The following TENM2 variants were observed in gnomAD, a reference collection of about 807,000 sequenced individuals.
The protein encoded by TENM2 is teneurin transmembrane protein 2.
A neutral mutation model predicts 245.2 loss-of-function variants in TENM2; 52 were observed. That is an observed-to-expected ratio of 0.21 (90% CI 0.17 to 0.27). The LOEUF (loss-of-function observed/expected upper bound fraction) is 0.27. Among genes scored for constraint, TENM2 ranks in the 10% least tolerant of loss-of-function variants. TENM2 has a pLI of 1.00. For missense variants in TENM2, 3,046 were observed against 3,666.8 expected (o/e 0.83, Z 4.37); for synonymous variants, 1,363 against 1,438.9 (o/e 0.95, Z 1.19).
chr5:167,230,364 C>T, the TENM2 span, among the ~76,000 whole-genome samples: 2 of 152,136 alleles, frequency 1.3e-5, no homozygotes, highest in African/African-American at 2.4e-5. Flanking sequence ...AACAGGCTGC[C>T]TCGCTTCCCT....
intron 2 of TENM2, among the ~76,000 whole-genome samples, chr5:167,864,322 A>G (rs1772112820): frequency 6.6e-6 from 1 of 152,230 alleles, no homozygotes; most frequent in Non-Finnish European, 1.5e-5. Context: ...TTTGCAATGC[A>G]CTTTCATCTA....
the TENM2 span, among the ~76,000 whole-genome samples, chr5:167,180,054 GTCCTCCCACCTTCCGT>G: frequency 6.7e-6 from 1 of 149,608 alleles, no homozygotes; most frequent in Admixed American, 6.6e-5. Flanking sequence ...CTTTGGCTGT[GTCCTCCCACCTTCCGT>G]TCCTCTCCAG....
At chr5:168,159,507 A>T (rs1294250983) in intron 12 of TENM2, among the ~76,000 whole-genome samples, 6 of 152,114 alleles carry the variant, frequency 3.9e-5, no homozygotes, top group Non-Finnish European at 8.8e-5. Context: ...CAGACTAATT[A>T]CTTCCTAGGT....
intron 2 of TENM2, among the ~76,000 whole-genome samples, chr5:167,700,137 C>T (rs1332755862): frequency 6.6e-6 from 1 of 152,128 alleles, no homozygotes; most frequent in East Asian, 1.9e-4. Flanking sequence ...AAAGATAGAA[C>T]AGGCTTAAAG....
At chr5:167,138,645 G>A in the TENM2 span, among the ~76,000 whole-genome samples, 184 of 152,068 alleles carry the variant, frequency 1.2e-3, 1 homozygote, top group African/African-American at 4.1e-3. Context: ...TTTTTGAGAC[G>A]GAGTTTTGCT....
At chr5:168,137,745 C>A (rs1341938988) in intron 12 of TENM2, among the ~76,000 whole-genome samples, 1 of 152,186 alleles carries the variant, frequency 6.6e-6, no homozygotes, top group Non-Finnish European at 1.5e-5. Context: ...TCCTATTAAT[C>A]CCAGCAAAGC....
At chr5:168,040,960 G>A (rs933072696) in intron 5 of TENM2, among the ~76,000 whole-genome samples, 22 of 152,206 alleles carry the variant, frequency 1.4e-4, no homozygotes, top group African/African-American at 4.6e-4. Flanking sequence ...GGACATATTC[G>A]TAGAGACTAA....
the TENM2 span, among the ~76,000 whole-genome samples, chr5:167,194,943 T>A: frequency 6.6e-6 from 1 of 152,032 alleles, no homozygotes; most frequent in Non-Finnish European, 1.5e-5. Flanking sequence ...GTGCCGAACA[T>A]CACACTCTTA....
chr5:167,756,035 T>C (rs553801705), intron 2 of TENM2, among the ~76,000 whole-genome samples: 1 of 152,186 alleles, frequency 6.6e-6, no homozygotes, highest in Non-Finnish European at 1.5e-5. Context: ...ATTCCAGTTG[T>C]TATTAGCTCC....
intron 9 of TENM2, among the ~76,000 whole-genome samples, chr5:168,111,654 A>G (rs1427344797): frequency 6.6e-6 from 1 of 152,168 alleles, no homozygotes; most frequent in Non-Finnish European, 1.5e-5. Context: ...ACGGTGAGCC[A>G]GGGAGCTGTC....
chr5:166,988,399 T>C, the TENM2 span, among the ~76,000 whole-genome samples: 3 of 152,248 alleles, frequency 2.0e-5, no homozygotes, highest in African/African-American at 7.2e-5. Flanking sequence ...TATGAAATTG[T>C]TTATCTCTTA....
chr5:168,100,484 C>T (rs961858646), intron 9 of TENM2, among the ~76,000 whole-genome samples: 1 of 152,102 alleles, frequency 6.6e-6, no homozygotes, highest in Non-Finnish European at 1.5e-5. Context: ...GGAACCAACC[C>T]AAATGCCCAT....
chr5:168,234,532 G>A (rs1581716457), intron 25 of TENM2, among the ~76,000 whole-genome samples: 2 of 152,112 alleles, frequency 1.3e-5, no homozygotes, highest in African/African-American at 2.4e-5. Context: ...CCATCCCTCC[G>A]AAGCCTAATC....
intron 2 of TENM2, among the ~76,000 whole-genome samples, chr5:167,452,787 AG>A (rs1174464069): frequency 6.6e-6 from 1 of 151,116 alleles, no homozygotes; most frequent in Admixed American, 6.6e-5. Flanking sequence ...GTTGTGGGGT[AG>A]GGGGAGCGGG....
At chr5:167,885,010 T>C (rs1039766029) in intron 3 of TENM2, among the ~76,000 whole-genome samples, 1 of 152,232 alleles carries the variant, frequency 6.6e-6, no homozygotes, top group Non-Finnish European at 1.5e-5. Flanking sequence ...TGATTAGTTC[T>C]TTTCATGTGC....
intron 2 of TENM2, chr5:167,821,147 A>T (rs1561818449): frequency 6.6e-6 from 1 of 152,254 alleles, no homozygotes; most frequent in Non-Finnish European, 1.5e-5. Flanking sequence ...CTGGTGGTTT[A>T]GAAAAGGACC....
intron 2 of TENM2, among the ~76,000 whole-genome samples, chr5:167,824,629 T>TA (rs1401822510): frequency 2.3e-4 from 35 of 152,306 alleles, no homozygotes; most frequent in African/African-American, 8.2e-4. Flanking sequence ...AAGATTGTAC[T>TA]AGAAAGATAA....
chr5:167,078,323 A>G, the TENM2 span, among the ~76,000 whole-genome samples: 1 of 152,074 alleles, frequency 6.6e-6, no homozygotes, highest in Non-Finnish European at 1.5e-5. Flanking sequence ...GTCTCTACTA[A>G]AAATACAAAA....
At chr5:167,660,028 A>T (rs925120742) in intron 2 of TENM2, 3 of 152,114 alleles carry the variant, frequency 2.0e-5, no homozygotes, top group African/African-American at 7.2e-5. Flanking sequence ...ATGTATCTGA[A>T]CTCATAAGCA....
Sources: allele counts gnomAD v4.1 joint callset (sites outside exome capture counted in the v4.1 genomes callset), GRCh38; gene constraint gnomAD v4.1.1; transcripts MANE v1.5; gene names NCBI Gene and HGNC (gene_info 2026-07-23, HGNC 2026-07-21).